CPT1A: variants seen among roughly 807,000 people sequenced by gnomAD.
CPT1A encodes the protein carnitine O-palmitoyltransferase 1, liver isoform.
A neutral mutation model predicts 100.8 loss-of-function variants in CPT1A; 64 were observed. That is an observed-to-expected ratio of 0.63 (90% CI 0.52 to 0.78). The LOEUF is 0.78. Among genes scored for constraint, CPT1A ranks in the 30% least tolerant of loss-of-function variants. The pLI is 0.00. For missense variants in CPT1A, 802 were observed against 1,034.1 expected, an observed-to-expected ratio of 0.78 and a Z score of 3.08; for synonymous variants, 363 against 396.0, an observed-to-expected ratio of 0.92 and a Z score of 0.99.
chr11:68,843,342 G>C (rs597316), upstream of CPT1A, among the ~76,000 whole-genome samples: 41,054 of 151,394 alleles, frequency 0.27, 6,532 homozygotes, highest in South Asian at 0.44. This position sits in a 1 kb window ranked among gnomAD's most constrained non-coding sequence, Gnocchi z 4.0. Context: ...GCCCCCATTG[G>C]ACAATTAGGG....
intron 13 of CPT1A, 171 bp from the exon 14 acceptor site, chr11:68,773,600 G>T: frequency 1.7e-6 from 2 of 1,187,566 alleles, no homozygotes; most frequent in Non-Finnish European, 1.2e-6. Flanking sequence ...ATGGCTCCCT[G>T]ACCCCGGAGG....
chr11:68,785,564 A>AG (rs549952275), intron 9 of CPT1A, among the ~76,000 whole-genome samples: 6 of 114,442 alleles, frequency 5.2e-5, no homozygotes, highest in Non-Finnish European at 1.2e-4. Flanking sequence ...CCATCTCAGG[A>AG]AAAAAAAAAA....
chr11:68,837,254 TGG>T (rs1857031835), intron 1 of CPT1A, among the ~76,000 whole-genome samples: 1 of 152,126 alleles, frequency 6.6e-6, no homozygotes, highest in African/African-American at 2.4e-5. Flanking sequence ...TTCACTGTGT[TGG>T]CCAGGCTGGT....
chr11:68,837,674 T>G (rs895468271), intron 1 of CPT1A, among the ~76,000 whole-genome samples: 1 of 150,492 alleles, frequency 6.6e-6, no homozygotes, highest in Non-Finnish European at 1.5e-5. Context: ...CAATCCAGAG[T>G]GGAAAAAGGG....
chr11:68,812,688 G>A (rs1856252597), intron 2 of CPT1A, 112 bp from the exon 3 acceptor site: 1 of 1,300,062 alleles, frequency 7.7e-7, no homozygotes, highest in Non-Finnish European at 1.1e-6. Context: ...TGAGAAGAGG[G>A]TGTGGACAGC....
At chr11:68,787,211 C>T (rs370452615) in intron 9 of CPT1A, among the ~76,000 whole-genome samples, 5 of 151,982 alleles carry the variant, frequency 3.3e-5, no homozygotes, top group East Asian at 1.9e-4. Flanking sequence ...CCGAGGAAGG[C>T]GGATCACGAG....
At chr11:68,832,731 C>T (rs1034996268) in intron 1 of CPT1A, among the ~76,000 whole-genome samples, 7 of 152,272 alleles carry the variant, frequency 4.6e-5, no homozygotes, top group African/African-American at 1.7e-4. Flanking sequence ...CCCATGCACA[C>T]AGGAGCAGGC....
rs577958267 is a variant in CPT1A at position 68,828,437 on chromosome 11, C to T, written c.-13-12950G>A. On this transcript the variant is annotated intron_variant, in intron 1 of 18. Coordinates refer to ENST00000265641, the MANE Select transcript of CPT1A (RefSeq NM_001876.4). ...CTCCCACCTGCGTGGGAGTCCCTCA[C>T]CAGGCTCACTGCGTCTTCCCCTCCC... 2.0e-5 allele frequency among the ~76,000 whole-genome samples: 3 copies of T among 152,318 alleles called. No individual in the cohort carries two copies. In the South Asian group the frequency reaches 6.2e-4, roughly 32 times the overall value.
chr11:68,759,517 A>G lies in CPT1A; in HGVS notation c.2235+52T>C, dbSNP rs1349542109. On this transcript the variant is annotated intron_variant, in intron 18 of 18. Transcript: ENST00000265641. ...TTAAAGATGTGTTTCCTTAAAAAGAATAAAGCAAAAATACCCCATCTTCAG... is the reference window on the plus strand; with the variant it reads ...TTAAAGATGTGTTTCCTTAAAAAGAGTAAAGCAAAAATACCCCATCTTCAG... The G allele has an allele frequency of 3.4e-6, 4 of 1,187,190 alleles. No homozygotes were observed. The Admixed American group carries it at 5.1e-5, about 15-fold the overall frequency. 73.5% of individuals were successfully genotyped at this position (1,187,190 alleles called of 1,614,324 possible).
At chr11:68,800,508 A>C (rs1270696674) in intron 5 of CPT1A, among the ~76,000 whole-genome samples, 1 of 150,466 alleles carries the variant, frequency 6.6e-6, no homozygotes, top group East Asian at 1.9e-4. Context: ...AAAAAAAAAA[A>C]TACAAAAATT....
intron 3 of CPT1A, among the ~76,000 whole-genome samples, chr11:68,808,458 G>A (rs368120472): frequency 1.3e-5 from 2 of 150,320 alleles, no homozygotes; most frequent in Non-Finnish European, 2.9e-5. Context: ...TGCAACCTCC[G>A]CCTCCCAGGT....
At chr11:68,775,686 G>C (rs531919640) in intron 12 of CPT1A, among the ~76,000 whole-genome samples, 1 of 152,298 alleles carries the variant, frequency 6.6e-6, no homozygotes, top group African/African-American at 2.4e-5. Context: ...GTAAACCTAA[G>C]CCAATTTATT....
chr11:68,804,664 C>T (rs911769367), intron 4 of CPT1A, among the ~76,000 whole-genome samples: 20 of 152,218 alleles, frequency 1.3e-4, no homozygotes, highest in Non-Finnish European at 7.3e-5. Context: ...CGTGAGATGT[C>T]GCTGCCAGCG....
intron 14 of CPT1A, 112 bp from the exon 15 acceptor site, chr11:68,762,873 T>C: frequency 7.2e-7 from 1 of 1,397,484 alleles, no homozygotes; most frequent in Non-Finnish European, 1.0e-6. Context: ...GTCAACATTT[T>C]TTTGAGACGG....
At chr11:68,813,056 CAA>C (rs751161035) in intron 2 of CPT1A, among the ~76,000 whole-genome samples, 3 of 127,062 alleles carry the variant, frequency 2.4e-5, no homozygotes, top group African/African-American at 2.9e-5. Context: ...ATACTCCAGC[CAA>C]AAAAAAAAAA....
At chr11:68,817,158 T>C (rs1288183693) in intron 1 of CPT1A, among the ~76,000 whole-genome samples, 3 of 142,138 alleles carry the variant, frequency 2.1e-5, no homozygotes, top group Non-Finnish European at 4.5e-5. Context: ...TGTGTCTGTG[T>C]GTGTGTGTGT....
At chr11:68,797,886 G>A (rs2154000081) in intron 6 of CPT1A, among the ~76,000 whole-genome samples, 1 of 152,328 alleles carries the variant, frequency 6.6e-6, no homozygotes, top group Admixed American at 6.5e-5. Context: ...GCTGAGGCAG[G>A]AGAATTGCTT....
In CPT1A at chr11:68,834,206, G is replaced by T. The variant is rs182712734; in HGVS notation, c.-14+7569C>A. Among the ~76,000 whole-genome samples the T allele has an allele frequency of 1.0e-3, 153 of 152,304 alleles. 3 individuals are homozygous for T. The East Asian group carries it at 0.029, about 28-fold the overall frequency. On this transcript the variant is annotated intron_variant, in intron 1 of 18. Coordinates refer to ENST00000265641, the MANE Select transcript of CPT1A (RefSeq NM_001876.4). Reference sequence around the variant, plus strand: ...AATCCCAGCACTTTGGGAGGCTGAGGCGTGTGGATCACCTGAGGTCAGGAG... The same window carrying T: ...AATCCCAGCACTTTGGGAGGCTGAGTCGTGTGGATCACCTGAGGTCAGGAG...
At chr11:68,828,108 C>T (rs754667831) in intron 1 of CPT1A, among the ~76,000 whole-genome samples, 36 of 152,154 alleles carry the variant, frequency 2.4e-4, no homozygotes, top group Non-Finnish European at 4.1e-4. Context: ...CTTATGCCTG[C>T]CCTGCCCTGC....
Sources: gnomAD v4.1 joint callset for allele counts (sites outside exome capture counted in the v4.1 genomes callset) on GRCh38, gnomAD v4.1.1 for gene constraint, Gnocchi (gnomAD v3.1) non-coding constraint, MANE v1.5 for transcripts, NCBI Gene and HGNC (gene_info 2026-07-23, HGNC 2026-07-21) for gene names.